Variants in CDC42BPA observed in about 807,000 individuals in gnomAD.
CDC42BPA encodes the protein CDC42 binding protein kinase alpha, also known as serine/threonine-protein kinase MRCK alpha.
A neutral mutation model predicts 223.5 loss-of-function variants in CDC42BPA; 80 were observed. The ratio of observed to expected loss-of-function variants is 0.36; its 90% confidence interval spans 0.30 to 0.43. The LOEUF (loss-of-function observed/expected upper bound fraction) is 0.43, where lower values mean the gene tolerates loss of function less well. Ranked by LOEUF, CDC42BPA falls within the 20% of genes least tolerant of loss-of-function variation. CDC42BPA has a pLI of 1.00. For synonymous variants in CDC42BPA, 694 were observed against 718.6 expected, an observed-to-expected ratio of 0.97 and a Z score of 0.55; for missense variants, 1,743 against 2,099.9, an observed-to-expected ratio of 0.83 and a Z score of 3.32.
At chr1:227,199,911 C>A (rs1378644292) in intron 3 of CDC42BPA, among the ~76,000 whole-genome samples, 1 of 152,026 alleles carries the variant, frequency 6.6e-6, no homozygotes, top group Non-Finnish European at 1.5e-5. Context: ...AATTTAAGAA[C>A]CATGGACCAA....
chr1:227,310,940 C>G (rs1394120312), intron 1 of CDC42BPA, among the ~76,000 whole-genome samples: 2 of 151,974 alleles, frequency 1.3e-5, no homozygotes, highest in Non-Finnish European at 2.9e-5. Context: ...ATCCGCCCAC[C>G]TCGGCCTCCC....
At position 227,003,838 on chromosome 1, in the gene CDC42BPA, A is replaced by G. The variant is rs115551258; in HGVS notation, c.4975+1156T>C. Among the ~76,000 whole-genome samples the G allele has an allele frequency of 6.0e-3, 913 of 152,234 alleles. 9 individuals are homozygous for G. Among genetic ancestry groups the G allele is most frequent in the African/African-American group, 0.021 (859 of 41,532 alleles). ...TACAGTTAAAAACAAAAAACAAACA[A>G]ACAAAAAAAACGGAGAGAGAGACTA... On this transcript the variant is annotated intron_variant, in intron 35 of 36. Coordinates refer to ENST00000366766, the MANE Select transcript of CDC42BPA (RefSeq NM_001394014.1).
chr1:227,242,648 TAAA>T lies in CDC42BPA; in HGVS notation c.270+11413_270+11415del, dbSNP rs952109039. On this transcript the variant is annotated intron_variant, in intron 2 of 36. Coordinates refer to ENST00000366766, the MANE Select transcript of CDC42BPA (RefSeq NM_001394014.1). ...CTAAAACTATCCTTTACTAGCTTAC[TAAA>T]AAACATCAGACTCAAAAAAATTAAA... is the stretch of plus-strand genomic sequence containing the variant. Among the ~76,000 whole-genome samples, 5 of 151,860 alleles carry T rather than the reference TAAA, an allele frequency of 3.3e-5. No individual in the cohort carries two copies. In the East Asian group the frequency reaches 5.8e-4, roughly 18 times the overall value.
At chr1:227,252,118 C>T (rs1264723874) in intron 2 of CDC42BPA, among the ~76,000 whole-genome samples, 3 of 151,600 alleles carry the variant, frequency 2.0e-5, no homozygotes, top group East Asian at 3.9e-4. Context: ...TTTGAAAAAT[C>T]AGAAAAAGAA....
chr1:227,305,527 A>C (rs1692386701), intron 1 of CDC42BPA, among the ~76,000 whole-genome samples: 1 of 152,218 alleles, frequency 6.6e-6, no homozygotes, highest in African/African-American at 2.4e-5. Context: ...TTCAAAGATT[A>C]CTAGGTCCTC....
At chr1:227,101,361 T>C in intron 14 of CDC42BPA, 122 bp from the exon 15 acceptor site, 1 of 558,066 alleles carries the variant, frequency 1.8e-6, no homozygotes, top group Non-Finnish European at 2.9e-6. Context: ...CTAACAAAAA[T>C]AAAATTCTAT....
chr1:227,265,227 AC>A (rs1187512479), intron 1 of CDC42BPA: 15 of 564,028 alleles, frequency 2.7e-5, no homozygotes, highest in Non-Finnish European at 4.8e-5. Context: ...GCATCTAACA[AC>A]CCTGAGGTGT....
chr1:227,198,724 A>G (rs1671199919), intron 4 of CDC42BPA, among the ~76,000 whole-genome samples: 1 of 150,852 alleles, frequency 6.6e-6, no homozygotes, highest in Admixed American at 6.6e-5. Flanking sequence ...TATTTTAGGT[A>G]AAGATGGTAC....
chr1:227,050,361 GGGAGTGAAAATT>G (rs1673306216), intron 22 of CDC42BPA, among the ~76,000 whole-genome samples: 1 of 152,152 alleles, frequency 6.6e-6, no homozygotes, highest in African/African-American at 2.4e-5. Context: ...ACACTGCTGG[GGGAGTGAAAATT>G]GGTCCAACCA....
At chr1:227,178,132 T>A (rs1252067931) in intron 5 of CDC42BPA, among the ~76,000 whole-genome samples, 1 of 152,192 alleles carries the variant, frequency 6.6e-6, no homozygotes, top group Non-Finnish European at 1.5e-5. Context: ...CATACGTGGA[T>A]CATCTTGAGT....
chr1:227,144,803 T>A (rs1660412836), intron 8 of CDC42BPA, among the ~76,000 whole-genome samples: 1 of 152,124 alleles, frequency 6.6e-6, no homozygotes, highest in Non-Finnish European at 1.5e-5. Context: ...TGTATTCACC[T>A]CAGGCAGGGC....
intron 3 of CDC42BPA, among the ~76,000 whole-genome samples, chr1:227,212,717 A>G (rs7519752): frequency 0.2 from 30,393 of 152,210 alleles, 3,149 homozygotes; most frequent in East Asian, 0.26. Context: ...GTGACTGCAT[A>G]ATCAGCATTA....
chr1:227,024,219 A>C (rs938289568), intron 31 of CDC42BPA, among the ~76,000 whole-genome samples: 1 of 152,192 alleles, frequency 6.6e-6, no homozygotes, highest in African/African-American at 2.4e-5. Context: ...TAAACACACA[A>C]AAGACTTTCA....
intron 15 of CDC42BPA, among the ~76,000 whole-genome samples, chr1:227,097,643 A>G (rs1216358138): frequency 6.6e-6 from 1 of 152,234 alleles, no homozygotes. Flanking sequence ...AATAAGACTC[A>G]GGAGTTAGGC....
At chr1:227,066,358 C>T (rs1215528931) in intron 21 of CDC42BPA, among the ~76,000 whole-genome samples, 3 of 151,322 alleles carry the variant, frequency 2.0e-5, no homozygotes, top group Non-Finnish European at 4.4e-5. Context: ...TCACCGCACT[C>T]CAGCCTGGTG....
rs1660942849 is a variant in CDC42BPA at position 226,993,075 on chromosome 1, T to C, written c.*1193A>G. The C allele has an allele frequency of 2.0e-5, 3 of 152,254 alleles. No individual in the cohort carries two copies. Among genetic ancestry groups the C allele is most frequent in the African/African-American group, 7.2e-5 (3 of 41,464 alleles). 9.4% of individuals were successfully genotyped at this position (152,254 alleles called of 1,614,324 possible). ...GTTTTTTCTTCCTTCCCCAGGCTTA[T>C]GTGAAGAAGCCCACGCCCACTCTCA... On this transcript the variant is annotated 3_prime_UTR_variant, in exon 37 of 37. Coordinates refer to ENST00000366766, the MANE Select transcript of CDC42BPA (RefSeq NM_001394014.1).
At chr1:227,183,070 A>G (rs1668210333) in intron 5 of CDC42BPA, 1 of 152,190 alleles carries the variant, frequency 6.6e-6, no homozygotes, top group African/African-American at 2.4e-5. Flanking sequence ...GCTTGCAGAT[A>G]TCCTATCATA....
intron 30 of CDC42BPA, 31 bp from the exon 31 acceptor site, chr1:227,026,183 G>T: frequency 8.0e-7 from 1 of 1,257,402 alleles, no homozygotes; most frequent in Non-Finnish European, 1.1e-6. Flanking sequence ...GCAGCTTGCG[G>T]ATTACTTTTA....
At chr1:227,263,831 C>A (rs1427901617) in intron 1 of CDC42BPA, among the ~76,000 whole-genome samples, 8 of 152,122 alleles carry the variant, frequency 5.3e-5, no homozygotes, top group African/African-American at 1.9e-4. Flanking sequence ...ATCCACCCAC[C>A]TCAGCCTCCC....
Sources: gnomAD v4.1 joint callset for allele counts (sites outside exome capture counted in the v4.1 genomes callset) on GRCh38, gnomAD v4.1.1 for gene constraint, MANE v1.5 for transcripts, NCBI Gene and HGNC (gene_info 2026-07-23, HGNC 2026-07-21) for gene names.